The following TEKT3 variants were observed in gnomAD, a reference collection of about 807,000 sequenced individuals.
The protein encoded by TEKT3 is tektin-3.
In TEKT3, 49 loss-of-function variants were observed where a neutral mutation model predicts 49.8. That is an observed-to-expected ratio of 0.98 (90% CI 0.78 to 1.25). The LOEUF (loss-of-function observed/expected upper bound fraction) is 1.25, where lower values mean the gene tolerates loss of function less well. Ranked by LOEUF, TEKT3 falls within the 50% of genes most tolerant of loss-of-function variation. The pLI is 0.00. For missense variants in TEKT3, 595 were observed against 629.5 expected, an observed-to-expected ratio of 0.95 and a Z score of 0.59; for synonymous variants, 225 against 237.2, an observed-to-expected ratio of 0.95 and a Z score of 0.47.
intron 5 of TEKT3, among the ~76,000 whole-genome samples, chr17:15,315,521 T>G (rs1174418605): frequency 2.0e-5 from 3 of 150,430 alleles, no homozygotes; most frequent in Non-Finnish European, 2.9e-5. Flanking sequence ...CAAGAAGAAG[T>G]ATTCAGATTC....
At chr17:15,319,046 T>C in intron 5 of TEKT3, 31 bp downstream of exon 5, 2 of 1,550,026 alleles carry the variant, frequency 1.3e-6, no homozygotes, top group Non-Finnish European at 1.7e-6. Flanking sequence ...AATGATAGAT[T>C]TTGAATTGTA....
At chr17:15,312,171 C>A in intron 7 of TEKT3, 88 bp downstream of exon 7, 1 of 1,270,458 alleles carries the variant, frequency 7.9e-7, no homozygotes, top group Non-Finnish European at 1.1e-6. Flanking sequence ...GCCTATGGTG[C>A]CTCTCTGGGA....
chr17:15,327,507 ACT>A (rs745866963), intron 4 of TEKT3, among the ~76,000 whole-genome samples: 41 of 149,642 alleles, frequency 2.7e-4, no homozygotes, highest in Non-Finnish European at 4.9e-4. Context: ...TAAGAGCAAG[ACT>A]CTGTCTCAAA....
intron 8 of TEKT3, among the ~76,000 whole-genome samples, chr17:15,307,368 C>T (rs1337527349): frequency 6.6e-6 from 1 of 152,252 alleles, no homozygotes; most frequent in Non-Finnish European, 1.5e-5. Context: ...CTGCAGCTCT[C>T]TCACCACTAA....
At chr17:15,322,780 T>C (rs189803571) in intron 4 of TEKT3, among the ~76,000 whole-genome samples, 1 of 152,352 alleles carries the variant, frequency 6.6e-6, no homozygotes, top group East Asian at 1.9e-4. Context: ...CAAGCCTGAA[T>C]TGAATCTAGC....
At chr17:15,340,710 G>T (rs183467232) in intron 1 of TEKT3, among the ~76,000 whole-genome samples, 1 of 152,296 alleles carries the variant, frequency 6.6e-6, no homozygotes, top group Non-Finnish European at 1.5e-5. Context: ...AATTGTGCCT[G>T]TAATCGATTT....
intron 5 of TEKT3, among the ~76,000 whole-genome samples, chr17:15,318,542 A>G (rs1911117150): frequency 6.6e-6 from 1 of 152,064 alleles, no homozygotes; most frequent in Admixed American, 6.5e-5. Flanking sequence ...TTTTAAAAAT[A>G]TATTTTTCTT....
intron 2 of TEKT3, among the ~76,000 whole-genome samples, chr17:15,339,668 A>G (rs1316862306): frequency 6.6e-6 from 1 of 152,208 alleles, no homozygotes; most frequent in African/African-American, 2.4e-5. Flanking sequence ...TTTTCTGCAG[A>G]AGACACAAGT....
chr17:15,333,924 G>A lies in TEKT3; in HGVS notation c.-29-2310C>T, dbSNP rs764669331. Among the ~76,000 whole-genome samples the A allele has an allele frequency of 5.3e-5, 8 of 151,466 alleles. No homozygotes were observed. The East Asian group carries it at 9.7e-4, about 18-fold the overall frequency. ...ACTACAGGTGCCCGCCACCATGCCC[G>A]GCTAATTTTTTTGTATTTTTAGTAG... On this transcript the variant is annotated intron_variant, in intron 2 of 8. Transcript: ENST00000395930.
chr17:15,325,356 G>A (rs565989278), intron 4 of TEKT3, among the ~76,000 whole-genome samples: 2 of 152,112 alleles, frequency 1.3e-5, no homozygotes, highest in Admixed American at 6.5e-5. Flanking sequence ...ATCTTAACAC[G>A]AACATCCATG....
chr17:15,342,869 T>C (rs1380182), upstream of TEKT3, among the ~76,000 whole-genome samples: 49,013 of 152,090 alleles, frequency 0.32, 8,272 homozygotes, highest in African/African-American at 0.4. Context: ...TGACTAGTTT[T>C]CCCACTATGT....
chr17:15,321,096 A>AC (rs1311216010), intron 4 of TEKT3, among the ~76,000 whole-genome samples: 2 of 149,068 alleles, frequency 1.3e-5, no homozygotes, highest in East Asian at 3.9e-4. Flanking sequence ...TGCAAGCTCC[A>AC]CCCCCCGGGT....
At chr17:15,343,427 T>A (rs1378350497), upstream of TEKT3, among the ~76,000 whole-genome samples, 1 of 152,218 alleles carries the variant, frequency 6.6e-6, no homozygotes, top group African/African-American at 2.4e-5. Flanking sequence ...ATGCTTGCCC[T>A]TCAGTTTTAC....
At chr17:15,317,121 C>A (rs138459469) in intron 5 of TEKT3, among the ~76,000 whole-genome samples, 1 of 152,118 alleles carries the variant, frequency 6.6e-6, no homozygotes, top group Admixed American at 6.6e-5. Flanking sequence ...GAAGCCATCC[C>A]GGGAAGTGAG....
chr17:15,308,468 C>T (rs979670442), intron 8 of TEKT3, among the ~76,000 whole-genome samples, 196 bp downstream of exon 8: 2 of 152,184 alleles, frequency 1.3e-5, no homozygotes, highest in African/African-American at 4.8e-5. Context: ...CAACCGTCAC[C>T]GCCATCCATC....
At chr17:15,331,824 T>A (rs1276055554) in intron 2 of TEKT3, among the ~76,000 whole-genome samples, 1 of 152,130 alleles carries the variant, frequency 6.6e-6, no homozygotes, top group East Asian at 1.9e-4. Context: ...TGTATAAAGA[T>A]CACATTTTTA....
chr17:15,342,502 G>C (rs182688034), upstream of TEKT3, among the ~76,000 whole-genome samples: 1 of 152,286 alleles, frequency 6.6e-6, no homozygotes, highest in African/African-American at 2.4e-5. Context: ...GAGGCGGAGG[G>C]ACTTGCCAGG....
chr17:15,322,183 A>G (rs1366414229), intron 4 of TEKT3, among the ~76,000 whole-genome samples: 1 of 152,202 alleles, frequency 6.6e-6, no homozygotes, highest in African/African-American at 2.4e-5. Context: ...CAATGTATCA[A>G]TGAAGTGAAA....
intron 2 of TEKT3, among the ~76,000 whole-genome samples, chr17:15,332,483 T>C (rs867744970): frequency 6.6e-6 from 1 of 152,198 alleles, no homozygotes. Context: ...TTGTGAGCAG[T>C]GGTAGCAGCA....
Sources: allele counts gnomAD v4.1 joint callset (sites outside exome capture counted in the v4.1 genomes callset), GRCh38; gene constraint gnomAD v4.1.1; transcripts MANE v1.5; gene names NCBI Gene and HGNC (gene_info 2026-07-23, HGNC 2026-07-21).